CCSER1: variants seen among roughly 807,000 people sequenced by gnomAD.
CCSER1 encodes the protein coiled-coil serine rich protein 1.
In CCSER1, 41 loss-of-function variants were observed where a neutral mutation model predicts 82.0. The observed-to-expected ratio is 0.50, with a 90% CI of 0.39 to 0.65. The LOEUF (loss-of-function observed/expected upper bound fraction) is 0.65, where lower values mean the gene tolerates loss of function less well. Among genes scored for constraint, CCSER1 ranks in the 30% least tolerant of loss-of-function variants. CCSER1 has a pLI of 0.00. For synonymous variants in CCSER1, 414 were observed against 383.9 expected (o/e 1.08, Z -0.92); for missense variants, 1,119 against 1,064.2 (o/e 1.05, Z -0.72).
intron 10 of CCSER1, among the ~76,000 whole-genome samples, chr4:91,575,658 A>G (rs1251204727): frequency 6.6e-6 from 1 of 152,036 alleles, no homozygotes; most frequent in Non-Finnish European, 1.5e-5. Context: ...GAATTACAAA[A>G]GATGAAAAAT....
intron 8 of CCSER1, among the ~76,000 whole-genome samples, chr4:90,890,465 C>T (rs936935738): frequency 6.6e-6 from 1 of 152,150 alleles, no homozygotes; most frequent in Non-Finnish European, 1.5e-5. Context: ...CAGCCAGTAC[C>T]GGACTGTCTT....
intron 10 of CCSER1, among the ~76,000 whole-genome samples, chr4:91,496,235 G>T (rs6823354): frequency 0.012 from 1,749 of 151,378 alleles, 12 homozygotes; most frequent in African/African-American, 0.023. Context: ...ATCATTAAAC[G>T]TATTGAAATA....
chr4:91,167,780 C>G lies in CCSER1; in HGVS notation c.2217+81786C>G, dbSNP rs1581692909. On this transcript the variant is annotated intron_variant, in intron 10 of 10. Coordinates refer to ENST00000509176, the MANE Select transcript of CCSER1 (RefSeq NM_001145065.2). ...CCTAGGTTAAAATTTGAGTCTCTTT[C>G]TACCTTGCCATGTTTATCATTATGT... Among the ~76,000 whole-genome samples the G allele has an allele frequency of 3.9e-5, 6 of 152,354 alleles. 1 individual carries two copies. In the Middle Eastern group the frequency reaches 0.02, roughly 518 times the overall value.
intron 8 of CCSER1, among the ~76,000 whole-genome samples, chr4:90,879,680 A>G (rs1720994488): frequency 6.6e-6 from 1 of 151,994 alleles, no homozygotes; most frequent in African/African-American, 2.4e-5. Context: ...AGAAGAAAGA[A>G]GAAGAAGAGG....
chr4:91,371,107 C>T (rs1649018298), intron 10 of CCSER1, among the ~76,000 whole-genome samples: 1 of 152,158 alleles, frequency 6.6e-6, no homozygotes, highest in South Asian at 2.1e-4. Context: ...AGGTGATCCA[C>T]CTGCCTTGGC....
At chr4:91,218,491 G>C (rs1415728791) in intron 10 of CCSER1, among the ~76,000 whole-genome samples, 1 of 152,230 alleles carries the variant, frequency 6.6e-6, no homozygotes, top group Non-Finnish European at 1.5e-5. Flanking sequence ...GGTGCCGAGA[G>C]CAAGTGAGGG....
At chr4:91,314,147 T>C (rs1216551159) in intron 10 of CCSER1, among the ~76,000 whole-genome samples, 1 of 152,006 alleles carries the variant, frequency 6.6e-6, no homozygotes, top group East Asian at 1.9e-4. Flanking sequence ...GAATGGCACA[T>C]GTACATACCC....
intron 8 of CCSER1, among the ~76,000 whole-genome samples, chr4:90,915,326 T>G (rs1235677929): frequency 1.3e-5 from 2 of 152,178 alleles, no homozygotes; most frequent in East Asian, 3.8e-4. Flanking sequence ...CATGATCAAG[T>G]AGGCTTCATC....
intron 6 of CCSER1, among the ~76,000 whole-genome samples, chr4:90,662,882 T>C (rs1731085667): frequency 6.6e-6 from 1 of 152,176 alleles, no homozygotes; most frequent in African/African-American, 2.4e-5. Flanking sequence ...TGATGTCTCT[T>C]AAATCATATT....
At chr4:90,359,949 C>A (rs1475091558) in intron 3 of CCSER1, among the ~76,000 whole-genome samples, 1 of 145,200 alleles carries the variant, frequency 6.9e-6, no homozygotes, top group African/African-American at 2.5e-5. Context: ...GACGGAGTCT[C>A]ACACTGTTGC....
intron 8 of CCSER1, chr4:90,839,039 G>T (rs1232071924): frequency 6.2e-7 from 1 of 1,612,170 alleles, no homozygotes; most frequent in Non-Finnish European, 8.5e-7. Context: ...GTCAGACATG[G>T]TTGCGGAGGA....
At chr4:90,385,995 A>T (rs1253917469) in intron 3 of CCSER1, among the ~76,000 whole-genome samples, 1 of 152,156 alleles carries the variant, frequency 6.6e-6, no homozygotes, top group African/African-American at 2.4e-5. Flanking sequence ...ACACTGATGA[A>T]ACAAATTGTA....
intron 10 of CCSER1, among the ~76,000 whole-genome samples, chr4:91,586,224 G>GA (rs980484125): frequency 6.6e-6 from 1 of 151,420 alleles, no homozygotes; most frequent in African/African-American, 2.4e-5. Context: ...AGTTTAGTTA[G>GA]AAAAAAATAA....
chr4:90,887,622 G>A (rs142042992), intron 8 of CCSER1, among the ~76,000 whole-genome samples: 4 of 152,258 alleles, frequency 2.6e-5, no homozygotes, highest in South Asian at 2.1e-4. Context: ...GTTGGCTCAC[G>A]CCTGTAATCC....
intron 3 of CCSER1, among the ~76,000 whole-genome samples, chr4:90,386,291 G>A (rs1011660933): frequency 6.6e-6 from 1 of 152,106 alleles, no homozygotes; most frequent in Non-Finnish European, 1.5e-5. Context: ...TATGGTACTG[G>A]TATAAAGCAG....
chr4:90,633,956 T>C (rs1458024183), intron 6 of CCSER1, among the ~76,000 whole-genome samples: 1 of 151,808 alleles, frequency 6.6e-6, no homozygotes, highest in Non-Finnish European at 1.5e-5. Flanking sequence ...CCTTTAGAAA[T>C]TCTATTGTTG....
At chr4:90,861,890 C>T (rs926486966) in intron 8 of CCSER1, among the ~76,000 whole-genome samples, 60 of 144,264 alleles carry the variant, frequency 4.2e-4, no homozygotes, top group Non-Finnish European at 8.7e-4. Context: ...CCATGGATCT[C>T]CTGATATGAT....
intron 4 of CCSER1, among the ~76,000 whole-genome samples, chr4:90,425,871 G>T (rs1757451575): frequency 6.6e-6 from 1 of 151,754 alleles, no homozygotes; most frequent in Non-Finnish European, 1.5e-5. Context: ...TAGGATTCTA[G>T]TAACAAATAA....
chr4:90,138,337 G>A (rs996205711), intron 1 of CCSER1, among the ~76,000 whole-genome samples: 1 of 152,092 alleles, frequency 6.6e-6, no homozygotes, highest in African/African-American at 2.4e-5. Context: ...GATTACAGGT[G>A]CGCCCCACTA....
Sources: allele counts gnomAD v4.1 joint callset (sites outside exome capture counted in the v4.1 genomes callset), GRCh38; gene constraint gnomAD v4.1.1; transcripts MANE v1.5; gene names NCBI Gene and HGNC (gene_info 2026-07-23, HGNC 2026-07-21).